The following TP53BP1 variants were observed in gnomAD, a reference collection of about 807,000 sequenced individuals.
TP53BP1 encodes TP53-binding protein 1.
Under a neutral mutation model 200.8 loss-of-function variants are expected in TP53BP1, and 61 were observed. The ratio of observed to expected loss-of-function variants is 0.30; its 90% CI spans 0.25 to 0.38. TP53BP1 has a LOEUF of 0.38. Among genes scored for constraint, TP53BP1 ranks in the 10% least tolerant of loss-of-function variants. TP53BP1 has a pLI of 1.00. For synonymous variants in TP53BP1, 822 were observed against 844.3 expected, an observed-to-expected ratio of 0.97 and a Z score of 0.46; for missense variants, 2,144 against 2,371.9, an observed-to-expected ratio of 0.90 and a Z score of 2.00.
chr15:43,478,932 T>C (rs2078922183), intron 7 of TP53BP1, among the ~76,000 whole-genome samples: 1 of 152,218 alleles, frequency 6.6e-6, no homozygotes, highest in African/African-American at 2.4e-5. Context: ...CATTGCAGGC[T>C]AGGCAGAGTG....
chr15:43,491,805 A>G, intron 3 of TP53BP1, 52 bp from the exon 4 acceptor site: 2 of 1,439,402 alleles, frequency 1.4e-6, no homozygotes, highest in East Asian at 4.5e-5. Context: ...AACAAACCTT[A>G]ATACAAAATC....
rs1362937869 is a variant in TP53BP1 at position 43,405,720 on chromosome 15, A to G, written c.*1663T>C. ...AATTTATACCTACACAGATTGGGCA[A>G]TTCTAGCTAATGAAAATATACTTAA... On this transcript the variant is annotated 3_prime_UTR_variant, in exon 28 of 28. Transcript: ENST00000382044. The G allele has an allele frequency of 6.5e-6, 1 of 153,140 alleles. No individual in the cohort carries two copies. Among genetic ancestry groups the G allele is most frequent in the Non-Finnish European group, 1.5e-5 (1 of 68,790 alleles). 9.5% of individuals were successfully genotyped at this position (153,140 alleles called of 1,614,324 possible). A position where few individuals can be genotyped will look rare whatever the true frequency, so the allele number is the denominator to read the frequency against.
At chr15:43,497,040 T>C (rs970337150), upstream of TP53BP1, among the ~76,000 whole-genome samples, 1 of 152,218 alleles carries the variant, frequency 6.6e-6, no homozygotes, top group African/African-American at 2.4e-5. Flanking sequence ...CCTAGCACAA[T>C]GCCAGACACA....
At chr15:43,418,448 GC>G (rs1325063506) in intron 21 of TP53BP1, among the ~76,000 whole-genome samples, 1 of 150,948 alleles carries the variant, frequency 6.6e-6, no homozygotes, top group African/African-American at 2.4e-5. Context: ...GTTGCAGTGA[GC>G]CAAGATCACG....
rs747242439 is a variant in TP53BP1 at position 43,416,240 on chromosome 15, C to T, written c.4858G>A (p.Ala1620Thr). The T allele has an allele frequency of 6.2e-7, 1 of 1,613,672 alleles. No homozygotes were observed. ...AAAGTCTTACCTAAGCTGATATCTG[C>T]TGCCTTTGTAAGAGGTGTTACTGCT... ...YEAVTPLTKA[A>T]DISLDNLVEG... Residue 1620 changes from alanine to threonine, a missense_variant, in exon 22 of 28, where the codon GCA becomes ACA. Physicochemically the swap from Ala to Thr is moderately conservative, Grantham distance 58. Coordinates refer to ENST00000382044, the MANE Select transcript of TP53BP1 (RefSeq NM_001141980.3).
intron 4 of TP53BP1, among the ~76,000 whole-genome samples, chr15:43,488,794 T>C (rs2079081764): frequency 6.6e-6 from 1 of 152,066 alleles, no homozygotes; most frequent in South Asian, 2.1e-4. Flanking sequence ...CTCAGGAGGC[T>C]GAGGCAAGAG....
At chr15:43,419,409 G>T (rs938313596) in intron 21 of TP53BP1, among the ~76,000 whole-genome samples, 3 of 151,990 alleles carry the variant, frequency 2.0e-5, no homozygotes, top group Non-Finnish European at 4.4e-5. Context: ...TCCCAGGCTG[G>T]AGTGCAGTGT....
intron 15 of TP53BP1, chr15:43,441,293 CA>C (rs879799384): frequency 2.5e-6 from 1 of 401,360 alleles, no homozygotes; most frequent in Non-Finnish European, 4.4e-6. Context: ...CTCACATGAA[CA>C]AAAGTAAAGA....
At chr15:43,428,953 C>T (rs1202540502) in intron 17 of TP53BP1, among the ~76,000 whole-genome samples, 1 of 152,098 alleles carries the variant, frequency 6.6e-6, no homozygotes, top group Non-Finnish European at 1.5e-5. Flanking sequence ...CTATACTAGA[C>T]AAATAACTGC....
At chr15:43,411,327 T>C (rs2045109535) in intron 24 of TP53BP1, among the ~76,000 whole-genome samples, 1 of 152,212 alleles carries the variant, frequency 6.6e-6, no homozygotes. Context: ...ATGAAGGTAC[T>C]AAATAAACCC....
At chr15:43,427,548 G>A (rs891568080) in intron 18 of TP53BP1, among the ~76,000 whole-genome samples, 1 of 152,226 alleles carries the variant, frequency 6.6e-6, no homozygotes, top group Middle Eastern at 3.2e-3. Flanking sequence ...TAGAAAGCAG[G>A]AAGTCTAACT....
chr15:43,510,208 G>C (rs2079265066), intron 1 of TP53BP1, among the ~76,000 whole-genome samples: 1 of 152,080 alleles, frequency 6.6e-6, no homozygotes, highest in South Asian at 2.1e-4. Context: ...AGTCTCCTGA[G>C]GGAGACCCAT....
chr15:43,480,993 G>A lies in TP53BP1; in HGVS notation c.401C>T (p.Pro134Leu), dbSNP rs764794131. The A allele has an allele frequency of 6.2e-7, 1 of 1,614,026 alleles. No homozygotes were observed. Among genetic ancestry groups the A allele is most frequent in the Non-Finnish European group, 8.5e-7 (1 of 1,179,986 alleles). ...TTCTCCCTTCTCTTCCTCCACAGCAGGAGCAGATTCCACTGACATTCCCAG... is the reference window on the plus strand; with the variant it reads ...TTCTCCCTTCTCTTCCTCCACAGCAAGAGCAGATTCCACTGACATTCCCAG... Reference protein sequence around the residue: ...SVLGMSVESAPAVEEEKGEEL... With the variant: ...SVLGMSVESALAVEEEKGEEL... Residue 134 changes from proline to leucine, a missense_variant, in exon 5 of 28, where the codon CCT becomes CTT. By Grantham distance (98) the Pro-to-Leu change is moderately conservative (BLOSUM62 -3). This residue lies in a region of TP53BP1 where 1,700 missense variants were observed against 1,710.3 expected (regional missense o/e 0.99). Coordinates refer to ENST00000382044, the MANE Select transcript of TP53BP1 (RefSeq NM_001141980.3).
chr15:43,493,947 G>T (rs1209523054), upstream of TP53BP1, among the ~76,000 whole-genome samples: 2 of 152,148 alleles, frequency 1.3e-5, no homozygotes, highest in Non-Finnish European at 2.9e-5. Flanking sequence ...CTTCTAACTA[G>T]ATGACCTCAA....
At chr15:43,407,704 C>CTGA (rs2044957030) in intron 27 of TP53BP1, 134 bp from the exon 28 acceptor site, 3 of 879,352 alleles carry the variant, frequency 3.4e-6, no homozygotes, top group Admixed American at 5.8e-5. Context: ...CACACTGCTA[C>CTGA]TGATCATGAC....
exon 1 of TP53BP1, chr15:43,510,575 T>C (rs1263982963): frequency 2.1e-5 from 4 of 188,306 alleles, no homozygotes; most frequent in South Asian, 1.1e-4. Context: ...GAGGCAACGA[T>C]ACAAACTCGG....
chr15:43,432,982 A>G (rs2045706444), intron 16 of TP53BP1, among the ~76,000 whole-genome samples: 1 of 152,180 alleles, frequency 6.6e-6, no homozygotes, highest in African/African-American at 2.4e-5. Context: ...AGGAAAATGA[A>G]GTAAACAAAA....
intron 4 of TP53BP1, among the ~76,000 whole-genome samples, chr15:43,481,468 C>CACAA (rs2078964790): frequency 6.7e-6 from 1 of 149,650 alleles, no homozygotes; most frequent in South Asian, 2.1e-4. Flanking sequence ...AATACACACA[C>CACAA]ACACACACAC....
At position 43,405,171 on chromosome 15, in the gene TP53BP1, C is replaced by A. The variant is rs1566906442; in HGVS notation, c.*2212G>T. On this transcript the variant is annotated 3_prime_UTR_variant, in exon 28 of 28. Coordinates refer to ENST00000382044, the MANE Select transcript of TP53BP1 (RefSeq NM_001141980.3). Reference sequence around the variant, plus strand: ...TGAAGGTAGTCTTGGGAAAGCATGACACTTAATAAGGCTCTTTTTCTCTTT... The same window carrying A: ...TGAAGGTAGTCTTGGGAAAGCATGAAACTTAATAAGGCTCTTTTTCTCTTT... 1 of 1,613,772 alleles carries A rather than the reference C, an allele frequency of 6.2e-7. No homozygotes were observed.
Sources: gnomAD v4.1 joint callset for allele counts (sites outside exome capture counted in the v4.1 genomes callset) on GRCh38, gnomAD v4.1.1 for gene constraint, gnomAD v4.1.1 regional missense constraint, MANE v1.5 for transcripts, NCBI Gene and HGNC (gene_info 2026-07-23, HGNC 2026-07-21) for gene names.